SCHIP1: variants seen among roughly 807,000 people sequenced by gnomAD.
SCHIP1 encodes schwannomin interacting protein 1, also known as schwannomin-interacting protein 1.
Under a neutral mutation model 29.7 loss-of-function variants are expected in SCHIP1, and 8 were observed. That is an observed-to-expected ratio of 0.27 (90% CI 0.16 to 0.49). The LOEUF (loss-of-function observed/expected upper bound fraction) is 0.49, where lower values mean the gene tolerates loss of function less well. Among genes scored for constraint, SCHIP1 ranks in the 20% least tolerant of loss-of-function variants. SCHIP1 has a pLI of 0.99. For synonymous variants in SCHIP1, 76 were observed against 94.9 expected (o/e 0.80, Z 1.16); for missense variants, 193 against 294.6 (o/e 0.66, Z 2.52).
At chr3:159,868,879 C>G (rs1714933316) in intron 2 of SCHIP1, among the ~76,000 whole-genome samples, 1 of 152,014 alleles carries the variant, frequency 6.6e-6, no homozygotes, top group South Asian at 2.1e-4. Context: ...AAACTGTTTT[C>G]CAACATGGTT....
chr3:159,848,873 CGGT>C (rs1304701629), intron 1 of SCHIP1, among the ~76,000 whole-genome samples: 1 of 152,034 alleles, frequency 6.6e-6, no homozygotes, highest in Non-Finnish European at 1.5e-5. Flanking sequence ...ATCCTGAAAA[CGGT>C]GGCACAGCTC....
At chr3:159,805,254 A>G in the SCHIP1 span, among the ~76,000 whole-genome samples, 6 of 152,286 alleles carry the variant, frequency 3.9e-5, no homozygotes, top group South Asian at 4.2e-4. Flanking sequence ...TGTTCTGAGA[A>G]TCAGCTCCAA....
the SCHIP1 span, among the ~76,000 whole-genome samples, chr3:159,822,733 A>T: frequency 3.3e-5 from 5 of 151,248 alleles, no homozygotes; most frequent in Admixed American, 3.3e-4. Flanking sequence ...TCTTCAAGAC[A>T]TGAGGCAGAG....
the SCHIP1 span, among the ~76,000 whole-genome samples, chr3:159,386,138 C>A: frequency 6.6e-6 from 1 of 152,078 alleles, no homozygotes. Flanking sequence ...CTATTGTGAG[C>A]AGTGCCACTA....
chr3:159,380,511 C>G, the SCHIP1 span, among the ~76,000 whole-genome samples: 326 of 152,156 alleles, frequency 2.1e-3, no homozygotes, highest in African/African-American at 7.2e-3. Context: ...TTCCTTATGT[C>G]ATTGTTATAC....
At chr3:159,313,715 C>T in the SCHIP1 span, among the ~76,000 whole-genome samples, 1 of 152,018 alleles carries the variant, frequency 6.6e-6, no homozygotes, top group Admixed American at 6.6e-5. Context: ...ATTATTTTTC[C>T]CACTAATTTT....
At chr3:159,609,958 G>A in the SCHIP1 span, among the ~76,000 whole-genome samples, 4 of 152,146 alleles carry the variant, frequency 2.6e-5, no homozygotes, top group Non-Finnish European at 5.9e-5. Flanking sequence ...GACAGGAGTG[G>A]AAGGACCTAT....
chr3:159,724,766 A>G, the SCHIP1 span, among the ~76,000 whole-genome samples: 2 of 152,256 alleles, frequency 1.3e-5, no homozygotes, highest in African/African-American at 4.8e-5. Flanking sequence ...CTTTGCCTTC[A>G]ATAAAATTTA....
At chr3:159,691,943 C>T in the SCHIP1 span, among the ~76,000 whole-genome samples, 5 of 150,312 alleles carry the variant, frequency 3.3e-5, no homozygotes, top group African/African-American at 9.8e-5. Flanking sequence ...TCTCTTCTGG[C>T]TTGTAGGGTT....
At chr3:159,611,730 G>A in the SCHIP1 span, among the ~76,000 whole-genome samples, 1 of 152,038 alleles carries the variant, frequency 6.6e-6, no homozygotes, top group African/African-American at 2.4e-5. Context: ...AATAGCATAG[G>A]TAAACCCACT....
At chr3:159,881,204 G>C (rs1283155999) in intron 2 of SCHIP1, among the ~76,000 whole-genome samples, 1 of 152,134 alleles carries the variant, frequency 6.6e-6, no homozygotes, top group Non-Finnish European at 1.5e-5. Flanking sequence ...TGTGTTTTTA[G>C]ATACTTGAGT....
At chr3:159,504,722 T>A in the SCHIP1 span, among the ~76,000 whole-genome samples, 1 of 152,126 alleles carries the variant, frequency 6.6e-6, no homozygotes, top group Non-Finnish European at 1.5e-5. Context: ...ATATTCATAT[T>A]TTCAACAATT....
the SCHIP1 span, among the ~76,000 whole-genome samples, chr3:159,727,524 C>T: frequency 1.3e-5 from 2 of 152,088 alleles, no homozygotes; most frequent in Admixed American, 6.6e-5. Flanking sequence ...GAAAATGAAG[C>T]CCCAAATATC....
At chr3:159,638,428 C>T in the SCHIP1 span, among the ~76,000 whole-genome samples, 6 of 152,094 alleles carry the variant, frequency 3.9e-5, no homozygotes, top group Non-Finnish European at 4.4e-5. Context: ...TTTCTCCACC[C>T]CTAAGTGGAG....
the SCHIP1 span, among the ~76,000 whole-genome samples, chr3:159,692,180 G>A: frequency 1.9e-3 from 290 of 152,104 alleles, no homozygotes; most frequent in Non-Finnish European, 3.2e-3. Context: ...TTCATCCTTG[G>A]TGAATCTGAT....
the SCHIP1 span, among the ~76,000 whole-genome samples, chr3:159,831,601 T>C: frequency 2.0e-5 from 3 of 152,192 alleles, no homozygotes; most frequent in Non-Finnish European, 2.9e-5. Context: ...TTGAGGTCGT[T>C]ATTAAGTAAA....
the SCHIP1 span, among the ~76,000 whole-genome samples, chr3:159,483,170 G>A: frequency 6.6e-6 from 1 of 152,024 alleles, no homozygotes; most frequent in Non-Finnish European, 1.5e-5. Flanking sequence ...TCAAATTTAG[G>A]AATCACTTTT....
chr3:159,388,872 T>TTCATCCTTTCCTCATGCCATATATAAA, the SCHIP1 span, among the ~76,000 whole-genome samples: 2 of 152,284 alleles, frequency 1.3e-5, no homozygotes, highest in East Asian at 3.8e-4. Flanking sequence ...AGCATAAATC[T>TTCATCCTTTCCTCATGCCATATATAAA]TCATCCTTTC....
At chr3:159,342,293 T>G in the SCHIP1 span, among the ~76,000 whole-genome samples, 2,472 of 152,288 alleles carry the variant, frequency 0.016, 56 homozygotes, top group African/African-American at 0.056. Context: ...ATTTTCATCT[T>G]AAAGATGTAT....
Sources: allele counts gnomAD v4.1 joint callset (sites outside exome capture counted in the v4.1 genomes callset), GRCh38; gene constraint gnomAD v4.1.1; transcripts MANE v1.5; gene names NCBI Gene and HGNC (gene_info 2026-07-23, HGNC 2026-07-21).